Variants in VPS13D observed in about 807,000 individuals in gnomAD.
VPS13D encodes vacuolar protein sorting 13 homolog D.
VPS13D carries 187 observed loss-of-function variants against 461.9 expected under a neutral mutation model. That is an observed-to-expected ratio of 0.40 (90% CI 0.36 to 0.46). VPS13D has a LOEUF of 0.46. Among genes scored for constraint, VPS13D ranks in the 20% least tolerant of loss-of-function variants. VPS13D has a pLI of 0.60. For missense variants in VPS13D, 4,711 were observed against 5,364.9 expected (o/e 0.88, Z 3.81); for synonymous variants, 1,951 against 1,986.3 (o/e 0.98, Z 0.47).
chr1:12,346,451 T>G (rs1277760535), intron 43 of VPS13D, among the ~76,000 whole-genome samples, 154 bp from the exon 44 acceptor site: 1 of 152,186 alleles, frequency 6.6e-6, no homozygotes, highest in Non-Finnish European at 1.5e-5. Flanking sequence ...TTTCCATATC[T>G]TTAAGAGGAG....
rs1221143294 is a variant in VPS13D at position 12,271,073 on chromosome 1, C to G, written c.2052C>G (p.Thr684=). Residue 684 remains threonine, a synonymous_variant, in exon 17 of 70, where the codon ACC becomes ACG. Transcript: ENST00000620676. The part of the protein sequence containing the change: ...RRQYNKLKMQ[T]KAEIRQTLDR... ...AATATAACAAGCTGAAGATGCAGACCAAGGCAGAAATCCGGCAAACTCTTG... is the reference window on the plus strand; with the variant it reads ...AATATAACAAGCTGAAGATGCAGACGAAGGCAGAAATCCGGCAAACTCTTG... 6.2e-7 allele frequency: 1 copy of G among 1,613,906 alleles called. No individual in the cohort carries two copies. The highest frequency in any genetic ancestry group is 2.2e-5 in the East Asian group (1 of 44,870).
intron 13 of VPS13D, among the ~76,000 whole-genome samples, chr1:12,265,144 A>G: frequency 6.6e-6 from 1 of 152,154 alleles, no homozygotes; most frequent in East Asian, 1.9e-4. Context: ...TCCTTTCAAA[A>G]TATTACTGCT....
In VPS13D at chr1:12,289,152, C is replaced by T. The variant is rs1642054880; in HGVS notation, c.5725+839C>T. Among the ~76,000 whole-genome samples, 2 of 151,546 alleles carry T rather than the reference C, an allele frequency of 1.3e-5. 1 individual carries two copies. ...CCACAGCACCTGGCCAGCATTCTCT[C>T]TAATGGGACTTTGTAAGTTAAAATT... On this transcript the variant is annotated intron_variant, in intron 22 of 69. Coordinates refer to ENST00000620676, the MANE Select transcript of VPS13D (RefSeq NM_015378.4).
chr1:12,271,542 C>G (rs910462530), intron 17 of VPS13D, among the ~76,000 whole-genome samples: 6 of 151,846 alleles, frequency 4.0e-5, no homozygotes, highest in African/African-American at 1.5e-4. Flanking sequence ...GGTGGTGGGT[C>G]CCTGTAATCC....
chr1:12,243,824 A>C (rs900164120), intron 3 of VPS13D, among the ~76,000 whole-genome samples: 17 of 152,312 alleles, frequency 1.1e-4, no homozygotes, highest in Middle Eastern at 3.4e-3. Flanking sequence ...TCAAGATTGA[A>C]TATATCATAG....
At chr1:12,345,270 G>A in intron 42 of VPS13D, 104 bp from the exon 43 acceptor site, 1 of 1,376,722 alleles carries the variant, frequency 7.3e-7, no homozygotes, top group Non-Finnish European at 9.8e-7. Flanking sequence ...TAGCCAACTG[G>A]GTTTTTACAT....
chr1:12,301,232 T>G (rs1345160952), intron 25 of VPS13D, among the ~76,000 whole-genome samples: 1 of 152,174 alleles, frequency 6.6e-6, no homozygotes, highest in African/African-American at 2.4e-5. Context: ...TACCAACTTG[T>G]CTATAATTTA....
intron 26 of VPS13D, among the ~76,000 whole-genome samples, chr1:12,305,674 A>G (rs1230863661): frequency 2.0e-5 from 3 of 152,174 alleles, no homozygotes; most frequent in Non-Finnish European, 4.4e-5. Flanking sequence ...CGGAGGCAGA[A>G]TATGATGAGC....
At chr1:12,471,861 CTTAT>C (rs961985756) in intron 67 of VPS13D, among the ~76,000 whole-genome samples, 7 of 151,960 alleles carry the variant, frequency 4.6e-5, no homozygotes, top group Middle Eastern at 3.4e-3. Context: ...TTCTCAAATG[CTTAT>C]TTAGTTTCCA....
chr1:12,291,037 C>A lies in VPS13D; in HGVS notation c.5765C>A (p.Ser1922Tyr), dbSNP rs367780806. ...LALQGSIGSL[S>Y]LSDLTCHGEF... ...TTACAGGGCAGCATTGGGAGTCTGT[C>A]TCTAAGTGACCTCACATGCCATGGA... The change falls in exon 23 of 70, where the codon TCT (serine) becomes TAT (tyrosine). Residue 1922 changes from serine to tyrosine, a missense_variant. By Grantham distance (144) the Ser-to-Tyr change is moderately radical (BLOSUM62 -2). Around this residue, in one of 3 missense-constraint regions of VPS13D, gnomAD observed 4,411 missense variants for 4,937.8 expected, o/e 0.89. Transcript: ENST00000620676. 4 of 1,613,898 alleles carry A rather than the reference C, an allele frequency of 2.5e-6. No individual in the cohort carries two copies. The highest frequency in any genetic ancestry group is 1.7e-5 in the Admixed American group (1 of 59,976).
At chr1:12,452,517 T>A (rs1645275677) in intron 65 of VPS13D, among the ~76,000 whole-genome samples, 1 of 152,238 alleles carries the variant, frequency 6.6e-6, no homozygotes, top group Non-Finnish European at 1.5e-5. Context: ...TTTTCTGCTG[T>A]CTTTGAGGGA....
At chr1:12,491,485 A>C (rs1170568574) in intron 67 of VPS13D, among the ~76,000 whole-genome samples, 1 of 152,252 alleles carries the variant, frequency 6.6e-6, no homozygotes, top group Non-Finnish European at 1.5e-5. Flanking sequence ...TTTCAGGCTG[A>C]AAGGCAAGAT....
chr1:12,400,571 A>G (rs775575034), intron 61 of VPS13D, among the ~76,000 whole-genome samples: 5 of 152,170 alleles, frequency 3.3e-5, no homozygotes, highest in Non-Finnish European at 7.3e-5. Flanking sequence ...GCCAGAGTCC[A>G]TATTCATCAG....
In VPS13D at chr1:12,256,546, G is replaced by T. The variant is rs773776485; in HGVS notation, c.840+43G>T. On this transcript the variant is annotated intron_variant, in intron 8 of 69. Transcript: ENST00000620676. ...AGTGGCATCTACTTACTGTCAAACT[G>T]GTGACTGCAGTGAAAGTCTTGATAT... The T allele has an allele frequency of 3.8e-6, 6 of 1,599,400 alleles. No individual in the cohort carries two copies. The East Asian group carries it at 1.3e-4, about 36-fold the overall frequency.
chr1:12,242,631 A>T, intron 3 of VPS13D, 41 bp downstream of exon 3: 1 of 1,575,612 alleles, frequency 6.3e-7, no homozygotes, highest in Non-Finnish European at 8.7e-7. Flanking sequence ...TTGAGTCTTA[A>T]ATTGTTTGAG....
chr1:12,330,007 G>A, intron 37 of VPS13D, 89 bp downstream of exon 37: 122 of 436,708 alleles, frequency 2.8e-4, no homozygotes, highest in Non-Finnish European at 3.9e-4. Context: ...TTACATGAAG[G>A]AAAGGGCAGG....
intron 67 of VPS13D, among the ~76,000 whole-genome samples, chr1:12,469,882 G>T (rs1391044952): frequency 1.3e-5 from 2 of 152,150 alleles, no homozygotes; most frequent in Non-Finnish European, 2.9e-5. Context: ...TTGTCCAAAG[G>T]CTGCTTGGTT....
At chr1:12,411,272 G>A (rs1388491620) in intron 63 of VPS13D, among the ~76,000 whole-genome samples, 1 of 152,204 alleles carries the variant, frequency 6.6e-6, no homozygotes, top group Non-Finnish European at 1.5e-5. Flanking sequence ...ACTAGAGACA[G>A]TATAGAAAAC....
At chr1:12,418,593 T>C (rs1385867341) in intron 65 of VPS13D, among the ~76,000 whole-genome samples, 4 of 152,246 alleles carry the variant, frequency 2.6e-5, no homozygotes, top group African/African-American at 9.6e-5. Context: ...ACAATAGGAC[T>C]TCCTCACTGT....
Sources: gnomAD v4.1 joint callset for allele counts (sites outside exome capture counted in the v4.1 genomes callset) on GRCh38, gnomAD v4.1.1 for gene constraint, gnomAD v4.1.1 regional missense constraint, MANE v1.5 for transcripts, NCBI Gene and HGNC (gene_info 2026-07-23, HGNC 2026-07-21) for gene names.